Variants in PAG1 observed in about 807,000 individuals in gnomAD.
PAG1 encodes phosphoprotein associated with glycosphingolipid-enriched microdomains 1.
PAG1 carries 23 observed loss-of-function variants against 31.7 expected under a neutral mutation model. That is an observed-to-expected ratio of 0.73 (90% confidence interval 0.52 to 1.03). PAG1 has a LOEUF of 1.03. Ranked by LOEUF, PAG1 falls within the 50% of genes least tolerant of loss-of-function variation. The pLI is 0.00. For synonymous variants in PAG1, 214 were observed against 210.3 expected, an observed-to-expected ratio of 1.02 and a Z score of -0.15; for missense variants, 473 against 540.7, an observed-to-expected ratio of 0.87 and a Z score of 1.24.
chr8:80,981,865 T>C (rs1384981594), intron 7 of PAG1, among the ~76,000 whole-genome samples: 1 of 92,776 alleles, frequency 1.1e-5, no homozygotes, highest in African/African-American at 3.5e-5. Context: ...TCACTTCCTT[T>C]TTTTTTTTTT....
At chr8:81,104,155 G>C (rs368263871) in intron 1 of PAG1, among the ~76,000 whole-genome samples, 9 of 152,082 alleles carry the variant, frequency 5.9e-5, no homozygotes, top group African/African-American at 2.2e-4. Context: ...AGGAGTAAAA[G>C]CCACCATTAT....
intron 3 of PAG1, among the ~76,000 whole-genome samples, chr8:81,025,820 C>T (rs990961292): frequency 1.3e-5 from 2 of 152,196 alleles, no homozygotes; most frequent in African/African-American, 2.4e-5. Context: ...CAAATTCTTC[C>T]TCCACTGCAG....
intron 1 of PAG1, among the ~76,000 whole-genome samples, chr8:81,091,541 T>C (rs1204907579): frequency 1.3e-5 from 2 of 152,136 alleles, no homozygotes; most frequent in Admixed American, 6.5e-5. Flanking sequence ...TACAAACCTG[T>C]ACAGCATGTT....
At chr8:81,074,431 G>A (rs1809145451) in intron 1 of PAG1, among the ~76,000 whole-genome samples, 1 of 152,148 alleles carries the variant, frequency 6.6e-6, no homozygotes, top group African/African-American at 2.4e-5. Flanking sequence ...ACTGGAGGGG[G>A]TGACAGACAA....
At position 80,989,511 on chromosome 8, in the gene PAG1, G is replaced by A. The variant is rs553377986; in HGVS notation, c.177+1968C>T. 2.6e-5 allele frequency among the ~76,000 whole-genome samples: 4 copies of A among 152,322 alleles called. No homozygotes were observed. In the East Asian group the frequency reaches 7.7e-4, roughly 29 times the overall value. ...TGTGTACATGGGTGCCAGTGTCCGGGTAAGCATGCGTTCCTGTGTGTGCTC... is the reference window on the plus strand; with the variant it reads ...TGTGTACATGGGTGCCAGTGTCCGGATAAGCATGCGTTCCTGTGTGTGCTC... On this transcript the variant is annotated intron_variant, in intron 5 of 8. Transcript: ENST00000220597.
intron 3 of PAG1, among the ~76,000 whole-genome samples, chr8:81,020,980 A>G (rs1046296300): frequency 6.6e-6 from 1 of 152,246 alleles, no homozygotes; most frequent in Non-Finnish European, 1.5e-5. Flanking sequence ...AAGGTTAAAT[A>G]AGTCAAACAA....
intron 3 of PAG1, 26 bp downstream of exon 3, chr8:81,029,970 T>C (rs957718473): frequency 6.6e-6 from 1 of 152,280 alleles, no homozygotes; most frequent in Non-Finnish European, 1.5e-5. Flanking sequence ...GATGTGTCCC[T>C]TTATTGGTAC....
intron 3 of PAG1, among the ~76,000 whole-genome samples, chr8:80,995,431 C>T (rs1313746025): frequency 1.3e-5 from 2 of 152,226 alleles, no homozygotes; most frequent in Non-Finnish European, 2.9e-5. Context: ...ATAACCACCA[C>T]TTCTGTGATT....
chr8:81,070,015 C>T (rs528713094), intron 2 of PAG1, 97 bp downstream of exon 2: 26 of 152,302 alleles, frequency 1.7e-4, no homozygotes, highest in African/African-American at 5.8e-4. Context: ...AACAGAGTCT[C>T]CAAATCAACA....
At chr8:81,107,412 G>A (rs926396514) in intron 1 of PAG1, among the ~76,000 whole-genome samples, 9 of 152,100 alleles carry the variant, frequency 5.9e-5, no homozygotes, top group Admixed American at 5.9e-4. Context: ...ATAGAGTTTA[G>A]CTATCACAAA....
chr8:81,032,144 A>G (rs1422575181), intron 2 of PAG1, among the ~76,000 whole-genome samples: 1 of 152,230 alleles, frequency 6.6e-6, no homozygotes, highest in African/African-American at 2.4e-5. Flanking sequence ...CTAAATCTTC[A>G]TGAGCTCAGA....
At chr8:81,005,974 G>A (rs1421031010) in intron 3 of PAG1, among the ~76,000 whole-genome samples, 1 of 152,106 alleles carries the variant, frequency 6.6e-6, no homozygotes, top group Non-Finnish European at 1.5e-5. Flanking sequence ...ACGGAGTCTT[G>A]CTCTGTCGCC....
chr8:81,088,247 A>G (rs988747224), intron 1 of PAG1, among the ~76,000 whole-genome samples: 1 of 152,192 alleles, frequency 6.6e-6, no homozygotes, highest in Non-Finnish European at 1.5e-5. Flanking sequence ...AGTTCATTAG[A>G]ATTACAACTG....
chr8:81,018,742 C>T (rs920127381), intron 3 of PAG1, among the ~76,000 whole-genome samples: 1 of 152,122 alleles, frequency 6.6e-6, no homozygotes, highest in Non-Finnish European at 1.5e-5. Flanking sequence ...TTCCATTAAA[C>T]CTCTTTCCCT....
intron 3 of PAG1, among the ~76,000 whole-genome samples, chr8:81,000,596 A>G (rs1807767671): frequency 6.6e-6 from 1 of 152,046 alleles, no homozygotes; most frequent in Admixed American, 6.6e-5. Flanking sequence ...ATGTGCCACC[A>G]CGCCTGGTAA....
chr8:81,029,161 T>C (rs1233334143), intron 3 of PAG1, among the ~76,000 whole-genome samples: 1 of 152,168 alleles, frequency 6.6e-6, no homozygotes. Context: ...ACAGGGGAAC[T>C]TCATAGAAAT....
intron 1 of PAG1, among the ~76,000 whole-genome samples, chr8:81,108,538 T>C (rs1809728052): frequency 1.1e-5 from 1 of 94,534 alleles, no homozygotes; most frequent in Non-Finnish European, 2.8e-5. Flanking sequence ...GTCTGTGATT[T>C]AAATTAAATC....
chr8:80,984,521 C>T (rs191414126), intron 7 of PAG1, among the ~76,000 whole-genome samples: 6 of 152,168 alleles, frequency 3.9e-5, no homozygotes, highest in Middle Eastern at 3.4e-3. Context: ...CAAGATTTGG[C>T]CCTAATTAGA....
At chr8:80,980,282 T>C (rs1229356749) in intron 8 of PAG1, among the ~76,000 whole-genome samples, 153 bp downstream of exon 8, 5 of 152,200 alleles carry the variant, frequency 3.3e-5, no homozygotes, top group Admixed American at 2.6e-4. Flanking sequence ...TCCAAGCCAT[T>C]ATAAAACCAG....
Sources: allele counts gnomAD v4.1 joint callset (sites outside exome capture counted in the v4.1 genomes callset), GRCh38; gene constraint gnomAD v4.1.1; transcripts MANE v1.5; gene names NCBI Gene and HGNC (gene_info 2026-07-23, HGNC 2026-07-21).